The following CNTN5 variants were observed in gnomAD, a reference collection of about 807,000 sequenced individuals.
The protein encoded by CNTN5 is contactin 5.
CNTN5 carries 77 observed loss-of-function variants against 129.1 expected under a neutral mutation model. The ratio of observed to expected loss-of-function variants is 0.60; its 90% confidence interval spans 0.50 to 0.72. The LOEUF (loss-of-function observed/expected upper bound fraction) is 0.72, where lower values mean the gene tolerates loss of function less well. Ranked by LOEUF, CNTN5 falls within the 30% of genes least tolerant of loss-of-function variation. CNTN5 has a pLI of 0.00. For missense variants in CNTN5, 1,478 were observed against 1,328.8 expected, an observed-to-expected ratio of 1.11 and a Z score of -1.75; for synonymous variants, 509 against 465.6, an observed-to-expected ratio of 1.09 and a Z score of -1.20.
intron 3 of CNTN5, among the ~76,000 whole-genome samples, chr11:99,588,607 C>T (rs1949882742): frequency 6.6e-6 from 1 of 152,138 alleles, no homozygotes; most frequent in Admixed American, 6.5e-5. Context: ...ATTCCACCCT[C>T]TGTGGGGTGA....
At chr11:100,161,861 AC>A (rs1947461386) in intron 13 of CNTN5, among the ~76,000 whole-genome samples, 1 of 149,962 alleles carries the variant, frequency 6.7e-6, no homozygotes, top group Non-Finnish European at 1.5e-5. Context: ...ACACACACAC[AC>A]ACACACACAC....
At chr11:99,851,087 C>A (rs1314795341) in intron 6 of CNTN5, among the ~76,000 whole-genome samples, 1 of 151,926 alleles carries the variant, frequency 6.6e-6, no homozygotes, top group Non-Finnish European at 1.5e-5. Flanking sequence ...TCATCCACCC[C>A]CAACCTGCCT....
intron 2 of CNTN5, among the ~76,000 whole-genome samples, chr11:99,487,967 A>G (rs1395003753): frequency 1.3e-5 from 2 of 152,204 alleles, no homozygotes; most frequent in African/African-American, 4.8e-5. Flanking sequence ...ATTATAAGTT[A>G]ATTATATTTG....
chr11:99,815,774 A>G (rs761768727), intron 3 of CNTN5, among the ~76,000 whole-genome samples: 4 of 152,204 alleles, frequency 2.6e-5, no homozygotes, highest in Non-Finnish European at 5.9e-5. Flanking sequence ...GTTGAGGATG[A>G]AACATAACTG....
rs1346775824 is a variant in CNTN5 at position 99,426,210 on chromosome 11, G to T, written c.-71+100726G>T. On this transcript the variant is annotated intron_variant, in intron 2 of 24. Coordinates refer to ENST00000524871, the MANE Select transcript of CNTN5 (RefSeq NM_014361.4). ...GCCTCATATCAAAAAAATTGATGAAGTCAAAAAGACTGAATTTACAATTTG... is the reference window on the plus strand; with the variant it reads ...GCCTCATATCAAAAAAATTGATGAATTCAAAAAGACTGAATTTACAATTTG... Among the ~76,000 whole-genome samples, 8 of 152,052 alleles carry T rather than the reference G, an allele frequency of 5.3e-5. No individual in the cohort carries two copies. The South Asian group carries it at 1.7e-3, about 31-fold the overall frequency.
intron 3 of CNTN5, among the ~76,000 whole-genome samples, chr11:99,610,465 A>C (rs1402953253): frequency 6.6e-6 from 1 of 152,212 alleles, no homozygotes; most frequent in Admixed American, 6.6e-5. Flanking sequence ...TAGGGATCTT[A>C]GAACATATTT....
intron 7 of CNTN5, 137 bp downstream of exon 7, chr11:99,916,286 T>C (rs1343508592): frequency 1.6e-6 from 1 of 617,672 alleles, no homozygotes; most frequent in South Asian, 2.2e-5. Flanking sequence ...GAGTGCCAGA[T>C]GAGTAATTCA....
intron 15 of CNTN5, among the ~76,000 whole-genome samples, chr11:100,205,230 T>C (rs983495478): frequency 1.3e-5 from 2 of 152,074 alleles, no homozygotes; most frequent in African/African-American, 4.8e-5. Flanking sequence ...TTGCAATTTC[T>C]CTTTCGGCAT....
intron 13 of CNTN5, among the ~76,000 whole-genome samples, chr11:100,108,311 A>G (rs1364498753): frequency 6.6e-6 from 1 of 152,284 alleles, no homozygotes; most frequent in East Asian, 1.9e-4. Flanking sequence ...TTACAAAAAC[A>G]TCATTGGACC....
At chr11:100,169,510 G>A (rs1038687178) in intron 13 of CNTN5, among the ~76,000 whole-genome samples, 2 of 151,952 alleles carry the variant, frequency 1.3e-5, no homozygotes, top group Non-Finnish European at 2.9e-5. Context: ...CTTCACCAGC[G>A]AAAAGATTAG....
At chr11:100,041,151 T>C (rs1942767896) in intron 9 of CNTN5, among the ~76,000 whole-genome samples, 1 of 152,130 alleles carries the variant, frequency 6.6e-6, no homozygotes, top group South Asian at 2.1e-4. Context: ...ACACTCTTTT[T>C]CTCTCACAGC....
chr11:99,738,361 A>G (rs1318175104), intron 3 of CNTN5, among the ~76,000 whole-genome samples: 7 of 152,130 alleles, frequency 4.6e-5, no homozygotes, highest in African/African-American at 1.7e-4. Flanking sequence ...CTTGATCTTA[A>G]ATTTCTAGTC....
At chr11:99,310,024 CAA>C (rs1865043190) in intron 1 of CNTN5, among the ~76,000 whole-genome samples, 1 of 151,814 alleles carries the variant, frequency 6.6e-6, no homozygotes, top group Non-Finnish European at 1.5e-5. Context: ...GGAAAGATTC[CAA>C]AGAGATATGA....
intron 3 of CNTN5, among the ~76,000 whole-genome samples, chr11:99,741,286 G>A (rs930493854): frequency 6.6e-6 from 1 of 152,094 alleles, no homozygotes; most frequent in Non-Finnish European, 1.5e-5. Flanking sequence ...GAATGGTAAT[G>A]TTTCTTTAAG....
Position 100,027,778 on chromosome 11 carries a change from C to T in CNTN5, c.980+25642C>T, listed in dbSNP as rs555389462. ...CCCTTGCTATGCTGTAGAGTGAAAA[C>T]TTTGTCCAGGGAGCAAGCTTGGGCA... On this transcript the variant is annotated intron_variant, in intron 9 of 24. Coordinates refer to ENST00000524871, the MANE Select transcript of CNTN5 (RefSeq NM_014361.4). 2.0e-5 allele frequency among the ~76,000 whole-genome samples: 3 copies of T among 152,276 alleles called. No individual in the cohort carries two copies. The East Asian group carries it at 5.8e-4, about 29-fold the overall frequency.
chr11:100,176,852 GT>G (rs1555030753), intron 13 of CNTN5, among the ~76,000 whole-genome samples: 1 of 12,728 alleles, frequency 7.9e-5, no homozygotes, highest in Non-Finnish European at 1.6e-4. Flanking sequence ...ATATAGTATG[GT>G]GTGTGTGTGT....
chr11:99,395,331 A>T (rs532184586), intron 2 of CNTN5, among the ~76,000 whole-genome samples: 2 of 152,018 alleles, frequency 1.3e-5, no homozygotes, highest in African/African-American at 4.8e-5. Context: ...GGTCATATGT[A>T]TGTCTTCTTT....
intron 8 of CNTN5, among the ~76,000 whole-genome samples, chr11:99,992,152 T>G (rs956106575): frequency 6.6e-6 from 1 of 152,230 alleles, no homozygotes; most frequent in African/African-American, 2.4e-5. Flanking sequence ...CCTTTCCAAC[T>G]CATTAGTCCA....
chr11:99,640,250 A>G (rs1951721839), intron 3 of CNTN5, among the ~76,000 whole-genome samples: 1 of 152,096 alleles, frequency 6.6e-6, no homozygotes, highest in Non-Finnish European at 1.5e-5. Context: ...GCCCCTCTCT[A>G]CTGGTACCGA....
Sources: allele counts gnomAD v4.1 joint callset (sites outside exome capture counted in the v4.1 genomes callset), GRCh38; gene constraint gnomAD v4.1.1; transcripts MANE v1.5; gene names NCBI Gene and HGNC (gene_info 2026-07-23, HGNC 2026-07-21).